APOBEC1: variants seen among roughly 807,000 people sequenced by gnomAD.
The protein encoded by APOBEC1 is C->U-editing enzyme APOBEC-1.
Under a neutral mutation model 26.3 loss-of-function variants are expected in APOBEC1, and 22 were observed. The ratio of observed to expected loss-of-function variants is 0.84; its 90% confidence interval spans 0.60 to 1.19. The LOEUF (loss-of-function observed/expected upper bound fraction) is 1.19. Among genes scored for constraint, APOBEC1 ranks in the 50% most tolerant of loss-of-function variants. APOBEC1 has a pLI of 0.00. For synonymous variants in APOBEC1, 77 were observed against 95.3 expected (o/e 0.81, Z 1.12); for missense variants, 253 against 289.0 (o/e 0.88, Z 0.90).
At chr12:7,660,138 ACT>A (rs1863785116) in intron 1 of APOBEC1, among the ~76,000 whole-genome samples, 1 of 150,982 alleles carries the variant, frequency 6.6e-6, no homozygotes, top group African/African-American at 2.4e-5. Flanking sequence ...CCCCGTCTCT[ACT>A]AAAAATACAA....
chr12:7,659,544 G>C (rs866513930), intron 1 of APOBEC1, among the ~76,000 whole-genome samples: 18 of 151,516 alleles, frequency 1.2e-4, no homozygotes, highest in Non-Finnish European at 2.1e-4. Flanking sequence ...GCACAGACAC[G>C]CATGCAAAAC....
rs1266554007 is a variant in APOBEC1 at position 7,649,516 on chromosome 12, T to G, written c.*31A>C. On this transcript the variant is annotated 3_prime_UTR_variant, in exon 5 of 5. Coordinates refer to ENST00000229304, the MANE Select transcript of APOBEC1 (RefSeq NM_001644.5). ...TTTAGTGGGTCATCATTGCTTGTTC[T>G]TGAATCAGTACACACACGGAATCAT... The G allele has an allele frequency of 8.8e-6, 14 of 1,599,240 alleles. No homozygotes were observed. The highest frequency in any genetic ancestry group is 1.7e-5 in the Admixed American group (1 of 58,288).
chr12:7,657,654 C>T (rs1863735134), intron 1 of APOBEC1, among the ~76,000 whole-genome samples: 1 of 151,982 alleles, frequency 6.6e-6, no homozygotes, highest in African/African-American at 2.4e-5. Context: ...AAGATGGTCG[C>T]TTAAGCCTAA....
Position 7,652,459 on chromosome 12 carries a change from T to C in APOBEC1, c.421A>G (p.Ile141Val). ...LRDLVNSGVT[I>V]QIMRASEYYH... ...TTACCTGATGCTCTCATAATCTGAATAGTTACTCCACTGTTAACAAGGTCC... is the reference window on the plus strand; with the variant it reads ...TTACCTGATGCTCTCATAATCTGAACAGTTACTCCACTGTTAACAAGGTCC... Residue 141 changes from isoleucine (I) to valine (V), a missense_variant, in exon 3 of 5, where the codon ATT (isoleucine) becomes GTT (valine). Physicochemically the swap from Ile to Val is conservative, Grantham distance 29 (BLOSUM62 3). Coordinates refer to ENST00000229304, the MANE Select transcript of APOBEC1 (RefSeq NM_001644.5). 6.2e-7 allele frequency: 1 copy of C among 1,613,216 alleles called. No homozygotes were observed. The highest frequency in any genetic ancestry group is 8.5e-7 in the Non-Finnish European group (1 of 1,179,740).
chr12:7,659,842 G>A (rs989776481), intron 1 of APOBEC1, among the ~76,000 whole-genome samples: 18 of 151,860 alleles, frequency 1.2e-4, no homozygotes, highest in Non-Finnish European at 2.1e-4. Flanking sequence ...GGTGGCGGGC[G>A]CCTGTAGTCC....
upstream of APOBEC1, among the ~76,000 whole-genome samples, chr12:7,668,468 G>A (rs1001452559): frequency 6.6e-6 from 1 of 152,170 alleles, no homozygotes; most frequent in Non-Finnish European, 1.5e-5. Context: ...ACTTGGGTTT[G>A]TTTTCTACTA....
intron 2 of APOBEC1, among the ~76,000 whole-genome samples, chr12:7,653,222 G>A (rs945278068): frequency 2.6e-5 from 4 of 151,706 alleles, no homozygotes; most frequent in Non-Finnish European, 2.9e-5. Flanking sequence ...GAGCCACCAC[G>A]CCCAGCCTCT....
upstream of APOBEC1, among the ~76,000 whole-genome samples, chr12:7,668,830 G>A (rs1863922592): frequency 6.6e-6 from 1 of 152,026 alleles, no homozygotes; most frequent in African/African-American, 2.4e-5. Context: ...CCGGGTTCAA[G>A]CCATTCTCAT....
chr12:7,666,160 C>T (rs771984655), upstream of APOBEC1, among the ~76,000 whole-genome samples: 1 of 152,246 alleles, frequency 6.6e-6, no homozygotes, highest in African/African-American at 2.4e-5. Context: ...TCTTCAATGA[C>T]ATCTGAATTT....
chr12:7,659,395 A>AC (rs58276608), intron 1 of APOBEC1, among the ~76,000 whole-genome samples: 1 of 146,246 alleles, frequency 6.8e-6, no homozygotes, highest in Non-Finnish European at 1.5e-5. Flanking sequence ...ACACACACAC[A>AC]AAAGGAACTA....
intron 2 of APOBEC1, 84 bp from the exon 3 acceptor site, chr12:7,652,919 T>C: frequency 1.2e-6 from 1 of 825,056 alleles, no homozygotes; most frequent in Non-Finnish European, 1.6e-6. Flanking sequence ...CTTCTTTTTT[T>C]ATTTTATTTT....
upstream of APOBEC1, among the ~76,000 whole-genome samples, chr12:7,668,163 T>G (rs2136862428): frequency 6.6e-6 from 1 of 152,088 alleles, no homozygotes; most frequent in African/African-American, 2.4e-5. Flanking sequence ...AGAGCAGAAT[T>G]CTGCTTGCTG....
chr12:7,663,712 C>T (rs775047992), intron 1 of APOBEC1, among the ~76,000 whole-genome samples: 2 of 152,098 alleles, frequency 1.3e-5, no homozygotes, highest in Non-Finnish European at 2.9e-5. Flanking sequence ...TCCTGGGATG[C>T]AAAGACAAGG....
chr12:7,651,883 C>G (rs1296639149), intron 3 of APOBEC1, among the ~76,000 whole-genome samples: 1 of 151,764 alleles, frequency 6.6e-6, no homozygotes, highest in Non-Finnish European at 1.5e-5. Flanking sequence ...TGCAGTGGCG[C>G]GATCTCGGCT....
intron 1 of APOBEC1, among the ~76,000 whole-genome samples, chr12:7,661,929 T>C (rs1401522850): frequency 1.3e-5 from 2 of 152,172 alleles, no homozygotes; most frequent in African/African-American, 4.8e-5. Flanking sequence ...GAGTGGGGAT[T>C]ATCTTGATCT....
chr12:7,659,988 A>G (rs1394150928), intron 1 of APOBEC1, among the ~76,000 whole-genome samples: 1 of 151,312 alleles, frequency 6.6e-6, no homozygotes, highest in Non-Finnish European at 1.5e-5. Context: ...AATAAATAAA[A>G]TAAAATAAAG....
chr12:7,649,708 A>G lies in APOBEC1; in HGVS notation c.562-12T>C. ...CAGGGTGGAAGACTCTGGAATAAAA[A>G]AGGATTATATTTAATCCTTAGGATG... is the stretch of plus-strand genomic sequence containing the variant. On this transcript the variant is annotated splice_polypyrimidine_tract_variant and intron_variant, in intron 4 of 4. Transcript: ENST00000229304. 6.3e-7 allele frequency: 1 copy of G among 1,581,884 alleles called. No homozygotes were observed. The highest frequency in any genetic ancestry group is 2.2e-5 in the East Asian group (1 of 44,658).
chr12:7,652,132 A>T (rs747481417), intron 3 of APOBEC1, among the ~76,000 whole-genome samples: 39 of 151,818 alleles, frequency 2.6e-4, no homozygotes, highest in Middle Eastern at 3.4e-3. Context: ...GGATTTTTAA[A>T]TTTTTTTTAG....
intron 3 of APOBEC1, 59 bp downstream of exon 3, chr12:7,652,379 C>T: frequency 6.7e-7 from 1 of 1,483,252 alleles, no homozygotes; most frequent in Non-Finnish European, 9.1e-7. Flanking sequence ...GGCCTAAAAA[C>T]AGCTACTATC....
Sources: allele counts gnomAD v4.1 joint callset (sites outside exome capture counted in the v4.1 genomes callset), GRCh38; gene constraint gnomAD v4.1.1; transcripts MANE v1.5; gene names NCBI Gene and HGNC (gene_info 2026-07-23, HGNC 2026-07-21).